The following CARS1 variants were observed in gnomAD, a reference collection of about 807,000 sequenced individuals.
CARS1 encodes cysteine--tRNA ligase, cytoplasmic.
A neutral mutation model predicts 106.2 loss-of-function variants in CARS1; 48 were observed. The ratio of observed to expected loss-of-function variants is 0.45; its 90% CI spans 0.36 to 0.57. The LOEUF (loss-of-function observed/expected upper bound fraction) is 0.57, where lower values mean the gene tolerates loss of function less well. Among genes scored for constraint, CARS1 ranks in the 20% least tolerant of loss-of-function variants. The probability of loss-of-function intolerance (pLI) is 0.00; values close to 1 mark genes in which losing one functional copy is unlikely to be tolerated. For missense variants in CARS1, 968 were observed against 1,057.2 expected, an observed-to-expected ratio of 0.92 and a Z score of 1.17; for synonymous variants, 409 against 403.4, an observed-to-expected ratio of 1.01 and a Z score of -0.17.
chr11:3,020,405 A>T lies in CARS1; in HGVS notation c.1154-73T>A. The T allele has an allele frequency of 1.2e-6, 1 of 865,810 alleles. No individual in the cohort carries two copies. The highest frequency in any genetic ancestry group is 2.0e-6 in the Non-Finnish European group (1 of 507,050). 53.6% of individuals were successfully genotyped at this position (865,810 alleles called of 1,614,324 possible). The stretch of plus-strand genomic sequence containing the variant: ...GACCCACATGTCTCACTTCAAGGCC[A>T]TCCACGGTGCCTAATGGGCAGTCCT... On this transcript the variant is annotated intron_variant, in intron 10 of 22. Coordinates refer to ENST00000380525, the MANE Select transcript of CARS1 (RefSeq NM_001014437.3). The surrounding 1 kb of genome is among the most constrained non-coding windows in gnomAD (Gnocchi z 4.6).
rs1853898732 is a variant in CARS1, at chr11:3,037,996, C to A, written c.801+54G>T. 2.6e-6 allele frequency: 4 copies of A among 1,559,240 alleles called. No individual in the cohort carries two copies. Among genetic ancestry groups the A allele is most frequent in the Non-Finnish European group, 3.5e-6 (4 of 1,138,624 alleles). ...ATCCGTGCACACAGATCAGTCTATGCACGGCCCGACATTTGACCCGAACGG... is the reference window on the plus strand; with the variant it reads ...ATCCGTGCACACAGATCAGTCTATGAACGGCCCGACATTTGACCCGAACGG... On this transcript the variant is annotated intron_variant, in intron 7 of 22. Coordinates refer to ENST00000380525, the MANE Select transcript of CARS1 (RefSeq NM_001014437.3). This position sits in a 1 kb window ranked among gnomAD's most constrained non-coding sequence, Gnocchi z 5.9.
rs1851622678 is a variant in CARS1 at position 3,022,098 on chromosome 11, G to A, written c.1154-1766C>T. Among the ~76,000 whole-genome samples, 1 of 152,182 alleles carries A rather than the reference G, an allele frequency of 6.6e-6. No individual in the cohort carries two copies. The highest frequency in any genetic ancestry group is 2.4e-5 in the African/African-American group (1 of 41,430). On this transcript the variant is annotated intron_variant, in intron 10 of 22. Transcript: ENST00000380525. This position sits in a 1 kb window ranked among gnomAD's most constrained non-coding sequence, Gnocchi z 4.9. ...AGGCAGGCTATAGGCAGAATGATGAGGCCGGTCACTGGCCAGGTGCAGTGC... is the reference window on the plus strand; with the variant it reads ...AGGCAGGCTATAGGCAGAATGATGAAGCCGGTCACTGGCCAGGTGCAGTGC...
rs763010240 is a variant in CARS1 at position 3,018,693 on chromosome 11, G to A, written c.1452C>T (p.Thr484=). The part of the protein sequence containing the change: ...VRYFLHTGHL[T]IAGCKMSKSL... The stretch of plus-strand genomic sequence containing the variant: ...ACTTTGACATTTTGCAGCCTGCAAT[G>A]GTCAGGTGGCCTGTGTGCAGGAAGT... Residue 484 remains threonine, a synonymous_variant, in exon 13 of 23, where the codon ACC becomes ACT. Transcript: ENST00000380525. 1.2e-6 allele frequency: 2 copies of A among 1,614,148 alleles called. No homozygotes were observed.
rs544418049 is a variant in CARS1, at chr11:3,040,015, G to T, written c.456-84C>A. The T allele has an allele frequency of 2.9e-5, 20 of 682,770 alleles. No individual in the cohort carries two copies. Among genetic ancestry groups the T allele is most frequent in the Admixed American group, 9.5e-5 (3 of 31,544 alleles). The allele number at this position is 682,770 out of a possible 1,614,324, so 42.3% of individuals were successfully genotyped here. On this transcript the variant is annotated intron_variant, in intron 4 of 22. Coordinates refer to ENST00000380525, the MANE Select transcript of CARS1 (RefSeq NM_001014437.3). The surrounding 1 kb of genome is among the most constrained non-coding windows in gnomAD (Gnocchi z 5.8). ...AACAACACGTGTTTGAACTGCATGA[G>T]TGCATTTATATATGATTTTCTCTGC...
Position 3,008,048 on chromosome 11 carries a change from T to C in CARS1, c.2069-1089A>G, listed in dbSNP as rs1451417532. The stretch of plus-strand genomic sequence containing the variant: ...CAAGTGACAACTTTCTGCTCTGAAA[T>C]CTGACCTTGGGTTTGCTGGAATCAC... On this transcript the variant is annotated intron_variant, in intron 18 of 22. Coordinates refer to ENST00000380525, the MANE Select transcript of CARS1 (RefSeq NM_001014437.3). The surrounding 1 kb of genome is among the most constrained non-coding windows in gnomAD (Gnocchi z 5.1). The C allele has an allele frequency of 6.6e-6, 1 of 152,274 alleles. No homozygotes were observed. The highest frequency in any genetic ancestry group is 1.5e-5 in the Non-Finnish European group (1 of 68,088). The allele number at this position is 152,274 out of a possible 1,614,324, so 9.4% of individuals were successfully genotyped here.
chr11:3,015,289 G>A (rs1012565935), intron 17 of CARS1, among the ~76,000 whole-genome samples: 1 of 152,234 alleles, frequency 6.6e-6, no homozygotes, highest in Non-Finnish European at 1.5e-5. Context: ...GACCGACCTG[G>A]GCTCAGGGTC....
chr11:3,046,243 C>T lies in CARS1; in HGVS notation c.274+1510G>A, dbSNP rs889569035. On this transcript the variant is annotated intron_variant, in intron 2 of 22. Coordinates refer to ENST00000380525, the MANE Select transcript of CARS1 (RefSeq NM_001014437.3). This position sits in a 1 kb window ranked among gnomAD's most constrained non-coding sequence, Gnocchi z 5.8. ...TGTGGATGGAGGCTTGCGTCTGTGC[C>T]GCTCTTTCAACAAGTCCCTATGAGG... is the stretch of plus-strand genomic sequence containing the variant. Among the ~76,000 whole-genome samples, 6 of 151,740 alleles carry T rather than the reference C, an allele frequency of 4.0e-5. No homozygotes were observed. Among genetic ancestry groups the T allele is most frequent in the African/African-American group, 1.5e-4 (6 of 41,270 alleles).
rs1855580927 is a variant in CARS1 at position 3,050,662 on chromosome 11, C to T, written c.26-2661G>A. On this transcript the variant is annotated intron_variant, in intron 1 of 22. Coordinates refer to ENST00000380525, the MANE Select transcript of CARS1 (RefSeq NM_001014437.3). The surrounding 1 kb of genome is among the most constrained non-coding windows in gnomAD (Gnocchi z 6.3). ...CCTGTCCTCATGCTGGCCATGGGCC[C>T]CCACCTGACTCACAATACCCTAGTC... Among the ~76,000 whole-genome samples, 1 of 152,218 alleles carries T rather than the reference C, an allele frequency of 6.6e-6. No individual in the cohort carries two copies. Among genetic ancestry groups the T allele is most frequent in the African/African-American group, 2.4e-5 (1 of 41,470 alleles).
rs1197309313 is a variant in CARS1 at position 3,003,196 on chromosome 11, G to A, written c.2218-596C>T. Among the ~76,000 whole-genome samples, 2 of 137,128 alleles carry A rather than the reference G, an allele frequency of 1.5e-5. No homozygotes were observed. Among genetic ancestry groups the A allele is most frequent in the African/African-American group, 2.5e-5 (1 of 40,444 alleles). The allele number at this position is 137,128 out of a possible 152,430, so 90.0% of individuals were successfully genotyped here. A position where few individuals can be genotyped will look rare whatever the true frequency, so the allele number is the denominator to read the frequency against. ...CTGGGTGCCGGTGAGGGAAGCCCTCGGTTGCTTTGGGAGGTTCTGGCCTGA... is the reference window on the plus strand; with the variant it reads ...CTGGGTGCCGGTGAGGGAAGCCCTCAGTTGCTTTGGGAGGTTCTGGCCTGA... On this transcript the variant is annotated intron_variant, in intron 20 of 22. Coordinates refer to ENST00000380525, the MANE Select transcript of CARS1 (RefSeq NM_001014437.3). The surrounding 1 kb of genome is among the most constrained non-coding windows in gnomAD (Gnocchi z 4.8).
chr11:3,014,522 G>A (rs1398398778), intron 17 of CARS1, among the ~76,000 whole-genome samples: 1 of 152,244 alleles, frequency 6.6e-6, no homozygotes, highest in Non-Finnish European at 1.5e-5. Context: ...CACAGCAGCC[G>A]TTAAGATGAA....
chr11:3,043,199 A>G lies in CARS1; in HGVS notation c.275-943T>C, dbSNP rs1854702496. Among the ~76,000 whole-genome samples, 2 of 151,664 alleles carry G rather than the reference A, an allele frequency of 1.3e-5. No homozygotes were observed. The highest frequency in any genetic ancestry group is 4.8e-5 in the African/African-American group (2 of 41,254). ...ACACTGCTTCCAGGCCTGGCTTCCA[A>G]CCTGGCACAAGGCTGTCCTTACACA... is the stretch of plus-strand genomic sequence containing the variant. On this transcript the variant is annotated intron_variant, in intron 2 of 22. Transcript: ENST00000380525. The surrounding 1 kb of genome is among the most constrained non-coding windows in gnomAD (Gnocchi z 4.0).
At chr11:3,002,703 C>T in intron 20 of CARS1, 103 bp from the exon 21 acceptor site, 1 of 1,561,198 alleles carries the variant, frequency 6.4e-7, no homozygotes, top group Non-Finnish European at 8.6e-7. Flanking sequence ...TAGGGCCTGG[C>T]ATGGAGGGCT....
intron 1 of CARS1, among the ~76,000 whole-genome samples, 169 bp downstream of exon 1, chr11:3,057,174 C>A (rs1394661146): frequency 6.6e-6 from 1 of 152,048 alleles, no homozygotes; most frequent in Non-Finnish European, 1.5e-5. Context: ...CGCACTGACA[C>A]CCCTCAGACC....
Position 3,008,276 on chromosome 11 carries a change from C to G in CARS1, c.2069-1317G>C, listed in dbSNP as rs561149462. 6.6e-6 allele frequency: 1 copy of G among 152,452 alleles called. No individual in the cohort carries two copies. Among genetic ancestry groups the G allele is most frequent in the South Asian group, 2.1e-4 (1 of 4,828 alleles). 9.4% of individuals were successfully genotyped at this position (152,452 alleles called of 1,614,324 possible). ...TGCTGTGTCCTCATAACTGAGACCC[C>G]TAGAGCTCCTTGCTGGGCACCCCAC... On this transcript the variant is annotated intron_variant, in intron 18 of 22. Coordinates refer to ENST00000380525, the MANE Select transcript of CARS1 (RefSeq NM_001014437.3). The surrounding 1 kb of genome is among the most constrained non-coding windows in gnomAD (Gnocchi z 5.1).
rs1432461839 is a variant in CARS1 at position 3,034,228 on chromosome 11, G to C, written c.801+3822C>G. Among the ~76,000 whole-genome samples, 1 of 130,434 alleles carries C rather than the reference G, an allele frequency of 7.7e-6. No homozygotes were observed. The highest frequency in any genetic ancestry group is 8.9e-5 in the Admixed American group (1 of 11,278). 85.6% of individuals were successfully genotyped at this position (130,434 alleles called of 152,430 possible). On this transcript the variant is annotated intron_variant, in intron 7 of 22. Transcript: ENST00000380525. This position sits in a 1 kb window ranked among gnomAD's most constrained non-coding sequence, Gnocchi z 6.3. Reference sequence around the variant, plus strand: ...TGTTTTCTGTTTTTTGTTTTGTTTTGTTTTGTTTTTTTGAGACAGTCTCAC... The same window carrying C: ...TGTTTTCTGTTTTTTGTTTTGTTTTCTTTTGTTTTTTTGAGACAGTCTCAC...
At position 3,052,271 on chromosome 11, in the gene CARS1, C is replaced by G. The variant is rs140770872; in HGVS notation, c.26-4270G>C. Among the ~76,000 whole-genome samples the G allele has an allele frequency of 6.7e-3, 1,017 of 152,294 alleles. 12 individuals carry two copies. Among genetic ancestry groups the G allele is most frequent in the African/African-American group, 0.023 (966 of 41,570 alleles). ...TCACACACACGGCGGCATTTCCTCACGGTAAAACACGCTCATAACATCAGC... is the reference window on the plus strand; with the variant it reads ...TCACACACACGGCGGCATTTCCTCAGGGTAAAACACGCTCATAACATCAGC... On this transcript the variant is annotated intron_variant, in intron 1 of 22. Transcript: ENST00000380525. This position sits in a 1 kb window ranked among gnomAD's most constrained non-coding sequence, Gnocchi z 4.6.
intron 21 of CARS1, 178 bp downstream of exon 21, chr11:3,002,363 C>T (rs1376598584): frequency 8.2e-6 from 10 of 1,215,898 alleles, no homozygotes; most frequent in Non-Finnish European, 1.1e-5. Context: ...GCCTTCCCTG[C>T]ACCCCATGTG....
intron 22 of CARS1, 144 bp downstream of exon 22, chr11:3,001,826 T>C (rs1849425854): frequency 2.7e-6 from 2 of 741,186 alleles, no homozygotes; most frequent in Non-Finnish European, 4.8e-6. Flanking sequence ...CAGGAGGCCC[T>C]GGACCTAAAG....
Position 3,005,274 on chromosome 11 carries a change from C to CAT in CARS1, c.2217+90_2217+91dup, listed in dbSNP as rs1301901389. 1.5e-5 allele frequency: 14 copies of CAT among 929,204 alleles called. No homozygotes were observed. The Middle Eastern group carries it at 2.1e-3, about 141-fold the overall frequency. The allele number at this position is 929,204 out of a possible 1,614,324, so 57.6% of individuals were successfully genotyped here. A position where few individuals can be genotyped will look rare whatever the true frequency, so the allele number is the denominator to read the frequency against. On this transcript the variant is annotated intron_variant, in intron 20 of 22. Coordinates refer to ENST00000380525, the MANE Select transcript of CARS1 (RefSeq NM_001014437.3). ...ACTGGGATTTTAATAAAAGTGTAAACATCAATGCTTAAAAAGTAAACTATG... is the reference window on the plus strand; with the variant it reads ...ACTGGGATTTTAATAAAAGTGTAAACATATCAATGCTTAAAAAGTAAACTATG...
Sources: gnomAD v4.1 joint callset for allele counts (sites outside exome capture counted in the v4.1 genomes callset) on GRCh38, gnomAD v4.1.1 for gene constraint, Gnocchi (gnomAD v3.1) non-coding constraint, MANE v1.5 for transcripts, NCBI Gene and HGNC (gene_info 2026-07-23, HGNC 2026-07-21) for gene names.